TSHZ2: variants seen among roughly 807,000 people sequenced by gnomAD.
TSHZ2 encodes teashirt zinc finger homeobox 2, also known as teashirt homolog 2.
A neutral mutation model predicts 74.4 loss-of-function variants in TSHZ2; 21 were observed. The ratio of observed to expected loss-of-function variants is 0.28; its 90% confidence interval spans 0.20 to 0.41. The LOEUF (loss-of-function observed/expected upper bound fraction) is 0.41, where lower values mean the gene tolerates loss of function less well. TSHZ2 is among the 10% of genes least tolerant of loss of function. The pLI, the probability that TSHZ2 is intolerant of heterozygous loss-of-function variation, is 1.00. For synonymous variants in TSHZ2, 540 were observed against 515.3 expected (o/e 1.05, Z -0.65); for missense variants, 1,244 against 1,293.5 (o/e 0.96, Z 0.59).
chr20:53,175,285 C>T lies in TSHZ2; in HGVS notation c.41-78214C>T, dbSNP rs536032204. On this transcript the variant is annotated intron_variant, in intron 1 of 2. Coordinates refer to ENST00000371497, the MANE Select transcript of TSHZ2 (RefSeq NM_173485.6). ...CCTCCCGAGTAGCTGGAATTACAGT[C>T]GCCCACCACCACGCCTGGCTAATTT... 6.3e-4 allele frequency among the ~76,000 whole-genome samples: 96 copies of T among 151,798 alleles called. 1 individual carries two copies. The highest frequency in any genetic ancestry group is 3.4e-4 in the Non-Finnish European group (23 of 67,966).
intron 2 of TSHZ2, among the ~76,000 whole-genome samples, chr20:53,348,315 G>T (rs1980518396): frequency 6.6e-6 from 1 of 152,204 alleles, no homozygotes; most frequent in African/African-American, 2.4e-5. Context: ...ATGAAGTGTG[G>T]ATACATGGTG....
intron 1 of TSHZ2, among the ~76,000 whole-genome samples, chr20:53,111,103 T>A (rs958054968): frequency 1.6e-4 from 24 of 152,016 alleles, no homozygotes; most frequent in Admixed American, 1.6e-3. Context: ...ATTCAAGAAG[T>A]GCAAGGTCAA....
At chr20:53,480,074 T>G (rs1381795231) in intron 2 of TSHZ2, among the ~76,000 whole-genome samples, 3 of 150,384 alleles carry the variant, frequency 2.0e-5, no homozygotes, top group African/African-American at 2.4e-5. Flanking sequence ...TTTTTGTTTT[T>G]TTTTTTTTTT....
intron 1 of TSHZ2, among the ~76,000 whole-genome samples, chr20:53,112,169 G>A (rs1443130698): frequency 1.3e-5 from 2 of 152,222 alleles, no homozygotes; most frequent in African/African-American, 4.8e-5. Context: ...CAGAGGGCAG[G>A]GAGGGGCCAG....
intron 2 of TSHZ2, among the ~76,000 whole-genome samples, chr20:53,274,777 C>G (rs76624046): frequency 6.6e-6 from 1 of 152,144 alleles, no homozygotes; most frequent in Non-Finnish European, 1.5e-5. Context: ...TCCTCGCTAG[C>G]GCTCTTTCTC....
chr20:53,374,165 T>C (rs1269577792), intron 2 of TSHZ2, among the ~76,000 whole-genome samples: 1 of 152,192 alleles, frequency 6.6e-6, no homozygotes, highest in Non-Finnish European at 1.5e-5. Flanking sequence ...CCAGTAGGCC[T>C]GGTATCTGTT....
intron 2 of TSHZ2, among the ~76,000 whole-genome samples, chr20:53,433,762 A>G (rs2145737904): frequency 6.6e-6 from 1 of 152,314 alleles, no homozygotes; most frequent in Non-Finnish European, 1.5e-5. Flanking sequence ...CTCATCCTGT[A>G]ACCAGCAATT....
At chr20:53,167,948 T>G (rs1568791895) in intron 1 of TSHZ2, among the ~76,000 whole-genome samples, 1 of 152,252 alleles carries the variant, frequency 6.6e-6, no homozygotes, top group Non-Finnish European at 1.5e-5. Flanking sequence ...GGTACATTTC[T>G]GTCTGATTTT....
At position 53,270,610 on chromosome 20, in the gene TSHZ2, A is replaced by G. The variant is rs531745214; in HGVS notation, c.*8+14039A>G. Among the ~76,000 whole-genome samples the G allele has an allele frequency of 2.0e-5, 3 of 152,250 alleles. No homozygotes were observed. The East Asian group carries it at 5.8e-4, about 30-fold the overall frequency. On this transcript the variant is annotated intron_variant, in intron 2 of 2. Transcript: ENST00000371497. ...GGTGAAATTCTGTGCATAGTACACC[A>G]AAGCGTGAGATGCAGACACACCACT...
intron 2 of TSHZ2, among the ~76,000 whole-genome samples, chr20:53,319,593 G>GAGCC (rs200284146): frequency 0.01 from 1,535 of 152,340 alleles, 22 homozygotes; most frequent in African/African-American, 0.035. Context: ...AAATGAGAAA[G>GAGCC]AGCCAGCCAT....
chr20:53,436,703 G>T (rs947659961), intron 2 of TSHZ2, among the ~76,000 whole-genome samples: 2 of 151,244 alleles, frequency 1.3e-5, no homozygotes, highest in African/African-American at 2.4e-5. Context: ...CTTCCACCAC[G>T]TCCGGCTAAT....
intron 1 of TSHZ2, among the ~76,000 whole-genome samples, chr20:53,251,585 G>T (rs1393467693): frequency 6.6e-6 from 1 of 152,072 alleles, no homozygotes; most frequent in Non-Finnish European, 1.5e-5. Flanking sequence ...TTTGAAGCTA[G>T]AGACCAGTAA....
chr20:53,151,188 G>A (rs1444970081), intron 1 of TSHZ2, among the ~76,000 whole-genome samples: 1 of 152,158 alleles, frequency 6.6e-6, no homozygotes, highest in East Asian at 1.9e-4. Context: ...ATAAGAGATA[G>A]AATTGGGAGC....
intron 1 of TSHZ2, among the ~76,000 whole-genome samples, chr20:53,120,507 C>T (rs1196352750): frequency 6.6e-6 from 1 of 151,744 alleles, no homozygotes; most frequent in East Asian, 1.9e-4. Context: ...ACAAACAGGG[C>T]AAATGACGAG....
At chr20:53,433,570 CACACAGACACACAG>C (rs1983919977) in intron 2 of TSHZ2, among the ~76,000 whole-genome samples, 1 of 114,398 alleles carries the variant, frequency 8.7e-6, no homozygotes, top group Non-Finnish European at 1.8e-5. Flanking sequence ...CCAACACAGA[CACACAGACACACAG>C]ACACACACAC....
intron 2 of TSHZ2, among the ~76,000 whole-genome samples, chr20:53,405,482 A>G (rs1406730847): frequency 6.6e-6 from 1 of 152,184 alleles, no homozygotes; most frequent in Non-Finnish European, 1.5e-5. Flanking sequence ...ACATAGATCA[A>G]ATCACTCATT....
At chr20:53,046,138 G>T (rs1026551318) in intron 1 of TSHZ2, among the ~76,000 whole-genome samples, 19 of 152,210 alleles carry the variant, frequency 1.2e-4, no homozygotes, top group Middle Eastern at 3.4e-3. Context: ...TCTGTCAAGG[G>T]GGCTGCAGGC....
At chr20:53,350,033 A>G (rs981555135) in intron 2 of TSHZ2, among the ~76,000 whole-genome samples, 3 of 152,178 alleles carry the variant, frequency 2.0e-5, no homozygotes, top group Non-Finnish European at 4.4e-5. Context: ...TTCTGCCATC[A>G]TATCCTACTA....
intron 2 of TSHZ2, among the ~76,000 whole-genome samples, chr20:53,459,435 T>C (rs1237227647): frequency 6.6e-6 from 1 of 151,246 alleles, no homozygotes; most frequent in African/African-American, 2.4e-5. Context: ...TCCTTTTATT[T>C]TGAGCCTATG....
Sources: gnomAD v4.1 joint callset for allele counts (sites outside exome capture counted in the v4.1 genomes callset) on GRCh38, gnomAD v4.1.1 for gene constraint, MANE v1.5 for transcripts, NCBI Gene and HGNC (gene_info 2026-07-23, HGNC 2026-07-21) for gene names.